Variants in RRM2 observed in about 807,000 individuals in gnomAD.
RRM2 encodes the protein ribonucleotide reductase regulatory subunit M2, also known as ribonucleoside-diphosphate reductase subunit M2.
Under a neutral mutation model 45.9 loss-of-function variants are expected in RRM2, and 6 were observed. That is an observed-to-expected ratio of 0.13 (90% CI 0.07 to 0.26). RRM2 has a LOEUF of 0.26. Ranked by LOEUF, RRM2 falls within the 10% of genes least tolerant of loss-of-function variation. The pLI is 1.00. For synonymous variants in RRM2, 177 were observed against 173.0 expected (o/e 1.02, Z -0.18); for missense variants, 343 against 489.5 (o/e 0.70, Z 2.82).
At chr2:10,177,710 T>TTCCTTCCTCCCTCCCTCCCTCC (rs1553326755) in intron 3 of RRM2, among the ~76,000 whole-genome samples, 10 of 116,486 alleles carry the variant, frequency 8.6e-5, no homozygotes, top group African/African-American at 2.9e-4. Flanking sequence ...TTCCTTCCTC[T>TTCCTTCCTCCCTCCCTCCCTCC]CTCCCTCCCT....
exon 4 of RRM2, chr2:10,210,663 C>T (rs911585653): frequency 1.7e-5 from 22 of 1,315,100 alleles, no homozygotes; most frequent in African/African-American, 9.0e-5. Flanking sequence ...AAATGGAACC[C>T]GCAAAGCCTG....
At position 10,171,482 on chromosome 2, in the gene RRM2, G is replaced by A. The variant is rs548961737; in HGVS notation, n.482+29107G>A. 5.3e-5 allele frequency among the ~76,000 whole-genome samples: 8 copies of A among 152,332 alleles called. No individual in the cohort carries two copies. The highest frequency in any genetic ancestry group is 1.9e-4 in the African/African-American group (8 of 41,578). ...GTCAGCTGGTGACATTTCTGCAATT[G>A]TTCCTAAAGAGGGGCCTGTGGGTCG... On this transcript the variant is annotated intron_variant and non_coding_transcript_variant, in intron 3 of 3. Coordinates refer to the RRM2 transcript ENST00000381786. The surrounding 1 kb of genome is among the most constrained non-coding windows in gnomAD (Gnocchi z 4.1).
At chr2:10,152,836 ACATGG>A (rs1487958833) in intron 3 of RRM2, among the ~76,000 whole-genome samples, 2 of 152,080 alleles carry the variant, frequency 1.3e-5, no homozygotes, top group African/African-American at 4.8e-5. Flanking sequence ...GAACTCTTGG[ACATGG>A]TTGGTGGGGG....
At chr2:10,190,292 G>T (rs1272402202) in intron 3 of RRM2, among the ~76,000 whole-genome samples, 5 of 150,308 alleles carry the variant, frequency 3.3e-5, no homozygotes, top group African/African-American at 1.2e-4. Flanking sequence ...AGGTGATGGT[G>T]GGGTTGGTGG....
intron 3 of RRM2, chr2:10,155,722 C>T (rs1348127278): frequency 6.6e-6 from 1 of 152,324 alleles, no homozygotes; most frequent in East Asian, 1.9e-4. Context: ...ACCTGGGAGA[C>T]ACTGGCCCTC....
chr2:10,155,610 T>A (rs976117392), intron 3 of RRM2: 4 of 152,334 alleles, frequency 2.6e-5, no homozygotes, highest in African/African-American at 9.7e-5. Flanking sequence ...CTCTGATTCC[T>A]CCCCCTCTTC....
At chr2:10,155,560 C>A (rs1485100297) in intron 3 of RRM2, 1 of 152,608 alleles carries the variant, frequency 6.6e-6, no homozygotes, top group Non-Finnish European at 1.5e-5. Flanking sequence ...TCTGGTCTCC[C>A]ACTCCCCATT....
At chr2:10,150,794 G>A (rs1192335810) in intron 3 of RRM2, among the ~76,000 whole-genome samples, 1 of 63,860 alleles carries the variant, frequency 1.6e-5, no homozygotes, top group Non-Finnish European at 3.4e-5. Flanking sequence ...TTTTTTTGAT[G>A]TGGTTTCTCT....
At chr2:10,157,076 C>T (rs796844803) in intron 3 of RRM2, among the ~76,000 whole-genome samples, 22 of 136,416 alleles carry the variant, frequency 1.6e-4, no homozygotes, top group African/African-American at 4.7e-4. Flanking sequence ...GGCCGGACTG[C>T]GGACTGCAGT....
chr2:10,205,535 C>G lies in RRM2; in HGVS notation n.483-4776C>G, dbSNP rs1664646867. Among the ~76,000 whole-genome samples the G allele has an allele frequency of 6.6e-6, 1 of 152,076 alleles. No individual in the cohort carries two copies. The highest frequency in any genetic ancestry group is 2.4e-5 in the African/African-American group (1 of 41,396). On this transcript the variant is annotated intron_variant and non_coding_transcript_variant, in intron 3 of 3. Transcript: ENST00000381786. The surrounding 1 kb of genome is among the most constrained non-coding windows in gnomAD (Gnocchi z 4.8). ...TTTTACTTTTCTGGTTCTAGTTTCT[C>G]AGGGAATGAGGCAGGAGGAGAGACA...
At chr2:10,200,522 CTGCGCG>C in intron 3 of RRM2, among the ~76,000 whole-genome samples, 1 of 10,382 alleles carries the variant, frequency 9.6e-5, no homozygotes, top group East Asian at 4.2e-3. Flanking sequence ...CCCACAGGGA[CTGCGCG>C]CACAAATTAT....
chr2:10,158,343 C>T (rs571231161), intron 3 of RRM2, among the ~76,000 whole-genome samples: 3 of 152,140 alleles, frequency 2.0e-5, no homozygotes, highest in Non-Finnish European at 2.9e-5. Flanking sequence ...GGCTTGTGCT[C>T]ATGTAGCCTG....
chr2:10,177,979 TG>T (rs1408314768), intron 3 of RRM2, among the ~76,000 whole-genome samples: 4 of 150,718 alleles, frequency 2.7e-5, no homozygotes, highest in Middle Eastern at 3.2e-3. Flanking sequence ...TGGAGTGCAG[TG>T]GCGCGATCTC....
At chr2:10,199,801 A>AAAAAAAAAAAAAAAAAAAAAC in intron 3 of RRM2, among the ~76,000 whole-genome samples, 1 of 76,354 alleles carries the variant, frequency 1.3e-5, no homozygotes, top group Admixed American at 1.6e-4. Flanking sequence ...AAAAAAAAAA[A>AAAAAAAAAAAAAAAAAAAAAC]AAAAAAAACA....
chr2:10,157,496 A>G (rs1165397964), intron 3 of RRM2, among the ~76,000 whole-genome samples: 2 of 152,164 alleles, frequency 1.3e-5, no homozygotes, highest in Non-Finnish European at 2.9e-5. Context: ...GGCTCCTCCC[A>G]GTCCTGACCA....
Position 10,129,671 on chromosome 2 carries a change from G to GA in RRM2, c.*286dup, listed in dbSNP as rs1310689264. 2 of 361,292 alleles carry GA rather than the reference G, an allele frequency of 5.5e-6. No individual in the cohort carries two copies. The highest frequency in any genetic ancestry group is 1.0e-5 in the Non-Finnish European group (2 of 200,388). The allele number at this position is 361,292 out of a possible 1,614,324, so 22.4% of individuals were successfully genotyped here. A position where few individuals can be genotyped will look rare whatever the true frequency, so the allele number is the denominator to read the frequency against. Reference sequence around the variant, plus strand: ...CCCTTTAGTGAGCTTAGCACAGCGGGATTAAACAGTCCTTTAACCAGCACA... The same window carrying GA: ...CCCTTTAGTGAGCTTAGCACAGCGGGAATTAAACAGTCCTTTAACCAGCACA... On this transcript the variant is annotated 3_prime_UTR_variant, in exon 10 of 10. Coordinates refer to ENST00000304567, the MANE Select transcript of RRM2 (RefSeq NM_001034.4). This position sits in a 1 kb window ranked among gnomAD's most constrained non-coding sequence, Gnocchi z 4.8.
intron 5 of RRM2, among the ~76,000 whole-genome samples, chr2:10,126,288 A>G (rs973273408): frequency 2.0e-5 from 3 of 151,944 alleles, no homozygotes; most frequent in Admixed American, 6.6e-5. Context: ...GGGCACCAGA[A>G]TAAAGGGAGG....
At chr2:10,124,100 T>G in intron 4 of RRM2, 9 of 421,558 alleles carry the variant, frequency 2.1e-5, no homozygotes, top group East Asian at 4.8e-5. Context: ...CCACCACATC[T>G]GCCCCCTCTT....
upstream of RRM2, among the ~76,000 whole-genome samples, chr2:10,137,652 A>G (rs1242010660): frequency 1.3e-5 from 2 of 152,218 alleles, no homozygotes; most frequent in Non-Finnish European, 2.9e-5. Context: ...GCCCAAATGG[A>G]GCCTCACGCT....
Sources: gnomAD v4.1 joint callset for allele counts (sites outside exome capture counted in the v4.1 genomes callset) on GRCh38, gnomAD v4.1.1 for gene constraint, Gnocchi (gnomAD v3.1) non-coding constraint, MANE v1.5 for transcripts, NCBI Gene and HGNC (gene_info 2026-07-23, HGNC 2026-07-21) for gene names.